Variants in MAPK10 observed in about 807,000 individuals in gnomAD.
MAPK10 encodes mitogen-activated protein kinase 10, also known as JNK3 alpha protein kinase.
Under a neutral mutation model 59.3 loss-of-function variants are expected in MAPK10, and 25 were observed. The ratio of observed to expected loss-of-function variants is 0.42; its 90% CI spans 0.31 to 0.59. MAPK10 has a LOEUF of 0.59. MAPK10 is among the 20% of genes least tolerant of loss of function. The pLI is 0.15. For missense variants in MAPK10, 351 were observed against 568.9 expected (o/e 0.62, Z 3.90); for synonymous variants, 190 against 200.5 (o/e 0.95, Z 0.44).
At chr4:86,405,757 A>G (rs1744285054) in intron 1 of MAPK10, among the ~76,000 whole-genome samples, 1 of 152,214 alleles carries the variant, frequency 6.6e-6, no homozygotes. Flanking sequence ...GATCACTTCT[A>G]GATTTCCTCA....
chr4:86,482,825 A>G (rs191829211), intron 1 of MAPK10, among the ~76,000 whole-genome samples: 10 of 152,306 alleles, frequency 6.6e-5, no homozygotes. Flanking sequence ...TGAAAGTAAG[A>G]AAATTAAGAT....
At chr4:86,409,115 C>A (rs2149025100) in intron 1 of MAPK10, among the ~76,000 whole-genome samples, 1 of 152,304 alleles carries the variant, frequency 6.6e-6, no homozygotes, top group Non-Finnish European at 1.5e-5. Flanking sequence ...CAGCTTTCTA[C>A]ATGTGGCTAG....
chr4:86,159,215 G>A lies in MAPK10; in HGVS notation c.236+83C>T, dbSNP rs1362783482. 3 of 1,072,708 alleles carry A rather than the reference G, an allele frequency of 2.8e-6. No homozygotes were observed. In the African/African-American group the frequency reaches 4.9e-5, roughly 17 times the overall value. 66.4% of individuals were successfully genotyped at this position (1,072,708 alleles called of 1,614,324 possible). A position where few individuals can be genotyped will look rare whatever the true frequency, so the allele number is the denominator to read the frequency against. On this transcript the variant is annotated intron_variant, in intron 4 of 13. Transcript: ENST00000641462. The stretch of plus-strand genomic sequence containing the variant: ...CCCAAATTATGCTATTTATTTTGGG[G>A]ATTTTGTTTGTTTGTGTGTTTGTGT...
rs770807761 is a variant in MAPK10, at chr4:86,064,380, G to C, written c.996C>G (p.Ala332=). The C allele has an allele frequency of 6.2e-7, 1 of 1,613,918 alleles. No individual in the cohort carries two copies. Among genetic ancestry groups the C allele is most frequent in the East Asian group, 2.2e-5 (1 of 44,872 alleles). The change falls in exon 11 of 14, where the codon GCC becomes GCG. Residue 332 remains alanine (A), a synonymous_variant. Transcript: ENST00000641462. ...CTAGCATCTTTGACAACAAGTCCCT[G>C]GCTTGGCTGGCTGAAACAATAAATG... is the stretch of plus-strand genomic sequence containing the variant. ...SEHNKLKASQ[A]RDLLSKMLVI... is the part of the protein sequence containing the mutation.
At chr4:86,241,980 G>T (rs897392879) in intron 2 of MAPK10, among the ~76,000 whole-genome samples, 1 of 151,998 alleles carries the variant, frequency 6.6e-6, no homozygotes, top group African/African-American at 2.4e-5. Flanking sequence ...GTCTAGTTTT[G>T]GTCCTTGAAG....
intron 1 of MAPK10, among the ~76,000 whole-genome samples, chr4:86,558,170 C>CA (rs1278062170): frequency 6.6e-6 from 1 of 151,964 alleles, no homozygotes; most frequent in Admixed American, 6.6e-5. Context: ...TCTATTAGCC[C>CA]AGGCTGAAAA....
intron 3 of MAPK10, among the ~76,000 whole-genome samples, chr4:86,163,776 A>AG (rs35097345): frequency 0.3 from 44,843 of 151,958 alleles, 8,729 homozygotes; most frequent in African/African-American, 0.56. Context: ...GAATAATTAA[A>AG]AGTCAAAAAG....
intron 1 of MAPK10, among the ~76,000 whole-genome samples, chr4:86,493,678 C>T (rs1439029431): frequency 6.6e-6 from 1 of 152,194 alleles, no homozygotes; most frequent in African/African-American, 2.4e-5. Flanking sequence ...AACCCCACTT[C>T]CTCATGCTTT....
chr4:86,419,877 A>T (rs1347571319), intron 1 of MAPK10, among the ~76,000 whole-genome samples: 1 of 152,212 alleles, frequency 6.6e-6, no homozygotes, highest in Non-Finnish European at 1.5e-5. Flanking sequence ...TGAAAATAAA[A>T]GAAGTAAGAA....
chr4:86,575,954 G>A (rs1349277682), intron 1 of MAPK10, among the ~76,000 whole-genome samples: 3 of 151,606 alleles, frequency 2.0e-5, no homozygotes, highest in Non-Finnish European at 4.4e-5. Context: ...GATGAGAGAA[G>A]ATATTGTATG....
intron 1 of MAPK10, among the ~76,000 whole-genome samples, chr4:86,368,820 C>T (rs914442396): frequency 2.6e-5 from 4 of 151,552 alleles, no homozygotes; most frequent in Non-Finnish European, 5.9e-5. Flanking sequence ...CAAATGATAA[C>T]GGGGGGAGGG....
chr4:86,454,016 C>T (rs966456235), upstream of MAPK10, among the ~76,000 whole-genome samples: 1 of 152,148 alleles, frequency 6.6e-6, no homozygotes, highest in Admixed American at 6.5e-5. Flanking sequence ...AGAGAGATAA[C>T]AATCACTACA....
intron 9 of MAPK10, among the ~76,000 whole-genome samples, chr4:86,094,655 G>A (rs916901733): frequency 1.3e-5 from 2 of 151,856 alleles, no homozygotes; most frequent in Non-Finnish European, 2.9e-5. Flanking sequence ...CAACAAGATG[G>A]CATGTCCTGG....
intron 1 of MAPK10, among the ~76,000 whole-genome samples, chr4:86,515,895 T>G (rs950950378): frequency 6.7e-6 from 1 of 150,358 alleles, no homozygotes; most frequent in Non-Finnish European, 1.5e-5. Context: ...GTTTTTTTTT[T>G]GTTTTGTTTT....
At chr4:86,553,881 C>G (rs1760049787) in intron 1 of MAPK10, among the ~76,000 whole-genome samples, 1 of 149,234 alleles carries the variant, frequency 6.7e-6, no homozygotes, top group Non-Finnish European at 1.5e-5. Context: ...TCTCTTCAGA[C>G]CACTTCTTAA....
chr4:86,085,772 A>G (rs1409750950), intron 9 of MAPK10, among the ~76,000 whole-genome samples: 1 of 152,216 alleles, frequency 6.6e-6, no homozygotes, highest in Non-Finnish European at 1.5e-5. Flanking sequence ...AAATCAGTAT[A>G]TCGAAGAGAT....
intron 2 of MAPK10, among the ~76,000 whole-genome samples, chr4:86,329,670 T>G (rs1350012398): frequency 1.3e-5 from 2 of 152,196 alleles, no homozygotes; most frequent in Non-Finnish European, 2.9e-5. Context: ...ATCTGCCATA[T>G]GCTTATGCAG....
At chr4:86,381,392 CCTT>C (rs1740686876) in intron 1 of MAPK10, among the ~76,000 whole-genome samples, 1 of 152,140 alleles carries the variant, frequency 6.6e-6, no homozygotes, top group Non-Finnish European at 1.5e-5. Flanking sequence ...GCTGCAGTAA[CCTT>C]CTAATATTCA....
intron 11 of MAPK10, among the ~76,000 whole-genome samples, chr4:86,051,131 C>T (rs966954779): frequency 3.3e-5 from 5 of 152,102 alleles, no homozygotes; most frequent in African/African-American, 1.2e-4. Flanking sequence ...CTACAAACAA[C>T]CCTCTGAGTC....
Sources: gnomAD v4.1 joint callset for allele counts (sites outside exome capture counted in the v4.1 genomes callset) on GRCh38, gnomAD v4.1.1 for gene constraint, MANE v1.5 for transcripts, NCBI Gene and HGNC (gene_info 2026-07-23, HGNC 2026-07-21) for gene names.